The following PPARGC1B variants were observed in gnomAD, a reference collection of about 807,000 sequenced individuals.
PPARGC1B encodes peroxisome proliferator-activated receptor gamma coactivator 1-beta.
A neutral mutation model predicts 101.6 loss-of-function variants in PPARGC1B; 34 were observed. The ratio of observed to expected loss-of-function variants is 0.33; its 90% CI spans 0.25 to 0.45. The LOEUF is 0.45. Ranked by LOEUF, PPARGC1B falls within the 20% of genes least tolerant of loss-of-function variation. The pLI is 1.00. For missense variants in PPARGC1B, 1,234 were observed against 1,317.6 expected (o/e 0.94, Z 0.98); for synonymous variants, 548 against 539.3 (o/e 1.02, Z -0.22).
At chr5:149,816,212 C>T (rs1457512912) in intron 1 of PPARGC1B, among the ~76,000 whole-genome samples, 2 of 152,154 alleles carry the variant, frequency 1.3e-5, no homozygotes, top group Non-Finnish European at 2.9e-5. Flanking sequence ...TTGACAAGGC[C>T]GCGAAGCTGA....
intron 1 of PPARGC1B, among the ~76,000 whole-genome samples, chr5:149,790,560 T>C (rs1756980968): frequency 6.6e-6 from 1 of 152,152 alleles, no homozygotes; most frequent in Non-Finnish European, 1.5e-5. Context: ...TAAAATATTA[T>C]AATACTAGGA....
intron 1 of PPARGC1B, among the ~76,000 whole-genome samples, chr5:149,771,764 A>C (rs569631247): frequency 2.0e-5 from 3 of 152,292 alleles, no homozygotes; most frequent in East Asian, 3.9e-4. Context: ...TCCGCCTTAC[A>C]TTCAGTGGTG....
intron 1 of PPARGC1B, among the ~76,000 whole-genome samples, chr5:149,817,950 C>G (rs1050504890): frequency 6.6e-6 from 1 of 152,226 alleles, no homozygotes; most frequent in African/African-American, 2.4e-5. Flanking sequence ...TGGCCCAAAA[C>G]AGGAAACAAA....
At chr5:149,740,030 G>A (rs1754857719) in intron 1 of PPARGC1B, 3 of 152,270 alleles carry the variant, frequency 2.0e-5, no homozygotes, top group Admixed American at 2.0e-4. Context: ...TGGAGTAGGA[G>A]ACCAGAGACG....
At chr5:149,815,698 C>T (rs556736334) in intron 1 of PPARGC1B, among the ~76,000 whole-genome samples, 12 of 152,208 alleles carry the variant, frequency 7.9e-5, no homozygotes, top group African/African-American at 1.2e-4. Context: ...AGGCACCCGC[C>T]GCCATACCTA....
intron 1 of PPARGC1B, among the ~76,000 whole-genome samples, chr5:149,778,151 C>T (rs1276990938): frequency 6.6e-6 from 1 of 151,104 alleles, no homozygotes; most frequent in African/African-American, 2.4e-5. Flanking sequence ...CAGCAACACA[C>T]ACACACACAC....
intron 1 of PPARGC1B, among the ~76,000 whole-genome samples, chr5:149,788,943 G>C (rs904781659): frequency 2.0e-5 from 3 of 152,186 alleles, no homozygotes; most frequent in African/African-American, 7.2e-5. Context: ...GGAGGAGTGG[G>C]GAGGGATAAC....
chr5:149,833,511 C>G lies in PPARGC1B; in HGVS notation c.1438C>G (p.Arg480Gly), dbSNP rs552665189. The G allele has an allele frequency of 2.9e-5, 46 of 1,566,272 alleles. No homozygotes were observed. Among genetic ancestry groups the G allele is most frequent in the Non-Finnish European group, 3.7e-5 (43 of 1,155,384 alleles). The change falls in exon 5 of 12, where the codon CGG becomes GGG. Residue 480 changes from arginine (R) to glycine (G), a missense_variant. By Grantham distance (125) the Arg-to-Gly change is moderately radical. Transcript: ENST00000309241. The surrounding 1 kb of genome is among the most constrained non-coding windows in gnomAD (Gnocchi z 4.1). ...CTCTGTGTGCCCCGTGCGGCGTTCT[C>G]GGAGACTGAACCCTGAGCTGGGCCC... ...ESSVCPVRRS[R>G]RLNPELGPWL...
chr5:149,839,519 G>C (rs558045307), intron 8 of PPARGC1B, among the ~76,000 whole-genome samples: 106 of 152,318 alleles, frequency 7.0e-4, no homozygotes, highest in African/African-American at 2.5e-3. Context: ...AGCTGCAATG[G>C]CCAGGGGCTG....
At chr5:149,783,091 AAGAG>A (rs56799682) in intron 1 of PPARGC1B, among the ~76,000 whole-genome samples, 26 of 150,040 alleles carry the variant, frequency 1.7e-4, no homozygotes, top group Admixed American at 6.0e-4. Flanking sequence ...ATGAGAGATA[AAGAG>A]AGAGAGAGAG....
chr5:149,816,499 C>G (rs1758059258), intron 1 of PPARGC1B, among the ~76,000 whole-genome samples: 1 of 152,222 alleles, frequency 6.6e-6, no homozygotes, highest in Non-Finnish European at 1.5e-5. Context: ...ATTTTGTGCA[C>G]ATACCTGCAT....
intron 1 of PPARGC1B, among the ~76,000 whole-genome samples, chr5:149,783,948 G>A (rs1191965835): frequency 6.6e-6 from 1 of 152,032 alleles, no homozygotes. Context: ...GCACACACAT[G>A]TGTGCAGGCA....
At chr5:149,780,204 C>G (rs530369285) in intron 1 of PPARGC1B, among the ~76,000 whole-genome samples, 2 of 152,242 alleles carry the variant, frequency 1.3e-5, no homozygotes, top group Non-Finnish European at 1.5e-5. Context: ...ACCCAGAGCA[C>G]AGGCTCCAGC....
chr5:149,818,132 G>C (rs527690981), intron 1 of PPARGC1B, among the ~76,000 whole-genome samples: 2 of 152,216 alleles, frequency 1.3e-5, no homozygotes, highest in Non-Finnish European at 2.9e-5. Context: ...TTGGGCTTGT[G>C]GGGAGAGCGG....
chr5:149,751,127 A>G (rs1309516900), intron 1 of PPARGC1B, among the ~76,000 whole-genome samples: 1 of 152,174 alleles, frequency 6.6e-6, no homozygotes, highest in African/African-American at 2.4e-5. Flanking sequence ...AGCAAATGTA[A>G]TATGGATTTT....
intron 1 of PPARGC1B, 131 bp from the exon 2 acceptor site, chr5:149,820,302 A>T: frequency 1.2e-6 from 1 of 820,512 alleles, no homozygotes; most frequent in South Asian, 1.6e-5. Flanking sequence ...TGATCTTTCC[A>T]TTTCTTGGTC....
chr5:149,839,898 G>T lies in PPARGC1B; in HGVS notation c.2619-143G>T, dbSNP rs932717058. The stretch of plus-strand genomic sequence containing the variant: ...GCCGTCGTTGCAGAAGGGGAAGCTA[G>T]GTTTCTGCGGGAGGCAGTTCCAGCT... On this transcript the variant is annotated intron_variant, in intron 8 of 11. Coordinates refer to ENST00000309241, the MANE Select transcript of PPARGC1B (RefSeq NM_133263.4). The T allele has an allele frequency of 1.1e-5, 9 of 791,602 alleles. No individual in the cohort carries two copies. In the East Asian group the frequency reaches 2.4e-4, roughly 21 times the overall value. 49.0% of individuals were successfully genotyped at this position (791,602 alleles called of 1,614,324 possible).
At position 149,826,656 on chromosome 5, in the gene PPARGC1B, C is replaced by A; in HGVS notation, c.253-17C>A. 6.2e-7 allele frequency: 1 copy of A among 1,604,094 alleles called. No individual in the cohort carries two copies. On this transcript the variant is annotated splice_polypyrimidine_tract_variant and intron_variant, in intron 2 of 11. Coordinates refer to ENST00000309241, the MANE Select transcript of PPARGC1B (RefSeq NM_133263.4). ...TCCCCATCTGCCTTTCTGACCCTCC[C>A]GCCCTCCTCACTCCAGATTGACAGT...
rs535900968 is a variant in PPARGC1B, at chr5:149,800,995, A to G, written c.79-19438A>G. 3.3e-5 allele frequency among the ~76,000 whole-genome samples: 5 copies of G among 152,308 alleles called. No individual in the cohort carries two copies. In the East Asian group the frequency reaches 7.7e-4, roughly 23 times the overall value. ...CGTTTGGATCTCTGGTGCCAGGCCT[A>G]TGGGTCATGGACATATGGCGTGGAT... On this transcript the variant is annotated intron_variant, in intron 1 of 11. Transcript: ENST00000309241.
Sources: allele counts gnomAD v4.1 joint callset (sites outside exome capture counted in the v4.1 genomes callset), GRCh38; gene constraint gnomAD v4.1.1; non-coding constraint Gnocchi (gnomAD v3.1); transcripts MANE v1.5; gene names NCBI Gene and HGNC (gene_info 2026-07-23, HGNC 2026-07-21).